Variants in FAM184B observed in about 807,000 individuals in gnomAD.
The protein encoded by FAM184B is family with sequence similarity 184 member B.
Under a neutral mutation model 135.9 loss-of-function variants are expected in FAM184B, and 111 were observed. That is an observed-to-expected ratio of 0.82 (90% CI 0.70 to 0.96). The LOEUF is 0.96. Ranked by LOEUF, FAM184B falls within the 40% of genes least tolerant of loss-of-function variation. The pLI, the probability that FAM184B is intolerant of heterozygous loss-of-function variation, is 0.00. For missense variants in FAM184B, 1,375 were observed against 1,323.9 expected (o/e 1.04, Z -0.60); for synonymous variants, 552 against 524.8 (o/e 1.05, Z -0.71).
At position 17,779,965 on chromosome 4, in the gene FAM184B, A is replaced by C. The variant is rs530462303; in HGVS notation, c.141+1194T>G. Among the ~76,000 whole-genome samples the C allele has an allele frequency of 5.3e-5, 8 of 152,366 alleles. No homozygotes were observed. In the South Asian group the frequency reaches 1.4e-3, roughly 28 times the overall value. ...CACTATTTACATGAATGTAGGTTAG[A>C]TCAATAGTACCAGCTATACATGTCA... is the stretch of plus-strand genomic sequence containing the variant. On this transcript the variant is annotated intron_variant, in intron 1 of 17. Transcript: ENST00000265018.
In FAM184B at chr4:17,688,621, C is replaced by T. The variant is rs772826324; in HGVS notation, c.1489-90G>A. The T allele has an allele frequency of 1.2e-3, 1,050 of 906,432 alleles. 1 individual carries two copies. The highest frequency in any genetic ancestry group is 1.6e-3 in the Non-Finnish European group (980 of 614,448). 56.1% of individuals were successfully genotyped at this position (906,432 alleles called of 1,614,324 possible). ...CATCCGGGAATCAATTCTCCTGGGT[C>T]AGTCTGTTCTGGGGAGAGTGCCCCA... is the stretch of plus-strand genomic sequence containing the variant. On this transcript the variant is annotated intron_variant, in intron 6 of 17. Coordinates refer to ENST00000265018, the MANE Select transcript of FAM184B (RefSeq NM_015688.2).
chr4:17,688,369 G>T, intron 7 of FAM184B, 55 bp downstream of exon 7: 1 of 1,365,864 alleles, frequency 7.3e-7, no homozygotes, highest in African/African-American at 1.5e-5. Context: ...ACACTGAAAG[G>T]CTGAGACCGA....
chr4:17,744,482 CACACACACCA>C (rs1196253939), intron 1 of FAM184B, among the ~76,000 whole-genome samples: 9 of 143,508 alleles, frequency 6.3e-5, no homozygotes, highest in Non-Finnish European at 1.0e-4. Flanking sequence ...CACACACACA[CACACACACCA>C]CACACACACA....
chr4:17,735,425 T>C (rs1409818700), intron 1 of FAM184B, among the ~76,000 whole-genome samples: 1 of 152,202 alleles, frequency 6.6e-6, no homozygotes, highest in African/African-American at 2.4e-5. Flanking sequence ...AATGAATTAC[T>C]ACTGGTTCAA....
chr4:17,642,303 T>C, intron 12 of FAM184B, 75 bp from the exon 13 acceptor site: 1 of 1,389,436 alleles, frequency 7.2e-7, no homozygotes, highest in Non-Finnish European at 9.3e-7. Flanking sequence ...AGAGATGTGC[T>C]GCGGCGAGAT....
In FAM184B at chr4:17,632,389, GTTAACGCCAAAATTTGTT is replaced by G; in HGVS notation, c.*125_*142del. On this transcript the variant is annotated 3_prime_UTR_variant, in exon 18 of 18. Transcript: ENST00000265018. ...TGTGCCTGGCAGAACAGTATGAAGT[GTTAACGCCAAAATTTGTT>G]TTAGCTATCATATATAAATCATAAG... is the stretch of plus-strand genomic sequence containing the variant. The G allele has an allele frequency of 1.6e-6, 1 of 637,618 alleles. No homozygotes were observed. Among genetic ancestry groups the G allele is most frequent in the Non-Finnish European group, 2.6e-6 (1 of 379,950 alleles). 39.5% of individuals were successfully genotyped at this position (637,618 alleles called of 1,614,324 possible). A position where few individuals can be genotyped will look rare whatever the true frequency, so the allele number is the denominator to read the frequency against.
chr4:17,765,386 CACT>C (rs1282536154), intron 1 of FAM184B, among the ~76,000 whole-genome samples: 1 of 152,004 alleles, frequency 6.6e-6, no homozygotes, highest in Non-Finnish European at 1.5e-5. Flanking sequence ...AACGAGGGGC[CACT>C]ACAATATTGA....
chr4:17,663,634 A>C (rs6844827), intron 8 of FAM184B, among the ~76,000 whole-genome samples: 9 of 151,642 alleles, frequency 5.9e-5, no homozygotes, highest in East Asian at 3.9e-4. Flanking sequence ...ACACACACAC[A>C]CACACACACA....
intron 7 of FAM184B, among the ~76,000 whole-genome samples, chr4:17,671,007 AG>A (rs1716158429): frequency 6.6e-6 from 1 of 152,228 alleles, no homozygotes; most frequent in Non-Finnish European, 1.5e-5. Context: ...ACATGGTAGA[AG>A]GAAGTCCTGA....
At chr4:17,642,555 G>A (rs550256799) in intron 12 of FAM184B, among the ~76,000 whole-genome samples, 4 of 152,084 alleles carry the variant, frequency 2.6e-5, no homozygotes, top group Non-Finnish European at 5.9e-5. Context: ...TCTTCCCTCC[G>A]TGAAGTTAAG....
intron 8 of FAM184B, 88 bp from the exon 9 acceptor site, chr4:17,660,175 GGGA>G: frequency 6.8e-7 from 1 of 1,467,976 alleles, no homozygotes; most frequent in Non-Finnish European, 9.2e-7. Context: ...CACTGTGCCT[GGGA>G]GGAGAAAGCT....
intron 14 of FAM184B, 34 bp from the exon 15 acceptor site, chr4:17,636,679 T>TA (rs148915854): frequency 0.055 from 80,315 of 1,465,790 alleles, 2,569 homozygotes; most frequent in Middle Eastern, 0.12. Flanking sequence ...AAGTCCCCCT[T>TA]ACAGCAATTA....
At chr4:17,747,697 G>A (rs575623334) in intron 1 of FAM184B, among the ~76,000 whole-genome samples, 6 of 151,752 alleles carry the variant, frequency 4.0e-5, no homozygotes, top group East Asian at 1.9e-4. Flanking sequence ...CGAGGCGGGC[G>A]GATCATGAGG....
chr4:17,733,096 T>C lies in FAM184B; in HGVS notation c.142-23452A>G, dbSNP rs1341483286. 3.3e-5 allele frequency among the ~76,000 whole-genome samples: 5 copies of C among 152,212 alleles called. No individual in the cohort carries two copies. In the East Asian group the frequency reaches 5.8e-4, roughly 18 times the overall value. Reference sequence around the variant, plus strand: ...ACCAAAGACAAAAACCACATGATTATCTCAATAGATGCAGAAAAGGCCTTT... The same window carrying C: ...ACCAAAGACAAAAACCACATGATTACCTCAATAGATGCAGAAAAGGCCTTT... On this transcript the variant is annotated intron_variant, in intron 1 of 17. Coordinates refer to ENST00000265018, the MANE Select transcript of FAM184B (RefSeq NM_015688.2).
At chr4:17,643,370 C>T (rs1216455777) in intron 12 of FAM184B, among the ~76,000 whole-genome samples, 1 of 152,154 alleles carries the variant, frequency 6.6e-6, no homozygotes, top group Non-Finnish European at 1.5e-5. Flanking sequence ...GGGGTATCAC[C>T]TGAGACCACA....
rs866989762 is a variant in FAM184B, at chr4:17,645,597, A to C, written c.2346+2040T>G. Among the ~76,000 whole-genome samples the C allele has an allele frequency of 2.8e-3, 425 of 152,126 alleles. 8 individuals carry two copies. In the East Asian group the frequency reaches 0.04, roughly 14 times the overall value. ...TAATTCAAGATGGATTAAAGACTTA[A>C]ATGTTAGACCTAAAACCATAAAAAC... On this transcript the variant is annotated intron_variant, in intron 12 of 17. Transcript: ENST00000265018.
At chr4:17,763,861 G>T (rs1323124697) in intron 1 of FAM184B, among the ~76,000 whole-genome samples, 1 of 152,142 alleles carries the variant, frequency 6.6e-6, no homozygotes, top group East Asian at 1.9e-4. Context: ...GACCACCCTG[G>T]CAGGAAAGTG....
chr4:17,695,520 G>C (rs1017305245), intron 5 of FAM184B, among the ~76,000 whole-genome samples: 25 of 152,162 alleles, frequency 1.6e-4, no homozygotes, highest in African/African-American at 5.3e-4. Flanking sequence ...CATTGGGTGA[G>C]AGCAGTGGCA....
At chr4:17,722,806 T>G (rs944297512) in intron 1 of FAM184B, among the ~76,000 whole-genome samples, 2 of 152,236 alleles carry the variant, frequency 1.3e-5, no homozygotes, top group African/African-American at 4.8e-5. Context: ...AAAGCACCTT[T>G]GGTTGGCCAA....
Sources: allele counts gnomAD v4.1 joint callset (sites outside exome capture counted in the v4.1 genomes callset), GRCh38; gene constraint gnomAD v4.1.1; transcripts MANE v1.5; gene names NCBI Gene and HGNC (gene_info 2026-07-23, HGNC 2026-07-21).